The following DZIP3 variants were observed in gnomAD, a reference collection of about 807,000 sequenced individuals.
The protein encoded by DZIP3 is E3 ubiquitin-protein ligase DZIP3.
DZIP3 carries 118 observed loss-of-function variants against 162.0 expected under a neutral mutation model. The observed-to-expected ratio is 0.73, with a 90% CI of 0.63 to 0.85. DZIP3 has a LOEUF of 0.85. DZIP3 is among the 40% of genes least tolerant of loss of function. The probability of loss-of-function intolerance (pLI) is 0.00; values close to 1 mark genes in which losing one functional copy is unlikely to be tolerated. For missense variants in DZIP3, 1,331 were observed against 1,407.0 expected (o/e 0.95, Z 0.86); for synonymous variants, 438 against 458.6 (o/e 0.96, Z 0.57).
chr3:108,690,877 C>T lies in DZIP3; in HGVS notation c.3607C>T (p.Arg1203Trp), dbSNP rs764074749. The stretch of plus-strand genomic sequence containing the variant: ...AGAAGAATTCCCTGGTCACCCCAGC[C>T]GGCAGTTGCCCAAGATCTGATACAA... ...LPEEFPGHPS[R>W]QLPKI The change falls in exon 32 of 33, where the codon CGG becomes TGG. Residue 1203 changes from arginine (R) to tryptophan (W), a missense_variant. By Grantham distance (101) the Arg-to-Trp change is moderately radical (BLOSUM62 -3). Transcript: ENST00000361582. 7.2e-5 allele frequency: 117 copies of T among 1,613,984 alleles called. No homozygotes were observed. Among genetic ancestry groups the T allele is most frequent in the Non-Finnish European group, 9.5e-5 (112 of 1,179,988 alleles).
At chr3:108,661,622 A>G (rs1251033398) in intron 19 of DZIP3, among the ~76,000 whole-genome samples, 3 of 151,960 alleles carry the variant, frequency 2.0e-5, no homozygotes, top group African/African-American at 7.3e-5. Context: ...GTACCCTAAA[A>G]CTTAAAGTAT....
At chr3:108,663,258 TAAG>T (rs1024069171) in intron 21 of DZIP3, among the ~76,000 whole-genome samples, 42 of 152,234 alleles carry the variant, frequency 2.8e-4, no homozygotes, top group Middle Eastern at 3.4e-3. Flanking sequence ...TGCAATCACT[TAAG>T]AAACTTTACT....
At chr3:108,682,203 A>G (rs1206521567) in intron 26 of DZIP3, among the ~76,000 whole-genome samples, 1 of 151,074 alleles carries the variant, frequency 6.6e-6, no homozygotes, top group Non-Finnish European at 1.5e-5. Flanking sequence ...CTATTATGGA[A>G]TACAGTATCG....
chr3:108,637,659 G>GGTAGTATTAAT, intron 12 of DZIP3, 111 bp downstream of exon 12: 2 of 728,280 alleles, frequency 2.7e-6, no homozygotes, highest in South Asian at 2.5e-5. Flanking sequence ...TAAATTTTAA[G>GGTAGTATTAAT]GTATGTGAAA....
At chr3:108,604,771 C>T (rs1054445273) in intron 1 of DZIP3, among the ~76,000 whole-genome samples, 2 of 152,134 alleles carry the variant, frequency 1.3e-5, no homozygotes, top group Non-Finnish European at 2.9e-5. Flanking sequence ...AGCAGGAACT[C>T]ATATATACCT....
chr3:108,665,822 A>G (rs925669047), intron 21 of DZIP3, among the ~76,000 whole-genome samples: 3 of 152,328 alleles, frequency 2.0e-5, no homozygotes, highest in Admixed American at 1.3e-4. Context: ...TACCGAAAGA[A>G]AAGAGCAGAA....
At chr3:108,630,928 T>C (rs1051481659) in intron 8 of DZIP3, among the ~76,000 whole-genome samples, 1 of 151,450 alleles carries the variant, frequency 6.6e-6, no homozygotes, top group African/African-American at 2.4e-5. Context: ...GAAATACTGC[T>C]ATTTAAAACA....
At chr3:108,659,857 G>T (rs1476542744) in intron 19 of DZIP3, among the ~76,000 whole-genome samples, 1 of 151,968 alleles carries the variant, frequency 6.6e-6, no homozygotes, top group Non-Finnish European at 1.5e-5. Flanking sequence ...GACAAACAGA[G>T]AGCCAAATCA....
At chr3:108,596,365 G>A (rs1024398931) in intron 1 of DZIP3, among the ~76,000 whole-genome samples, 1 of 152,130 alleles carries the variant, frequency 6.6e-6, no homozygotes, top group African/African-American at 2.4e-5. Context: ...TTAAAGGAGC[G>A]GTCAGGGTTG....
chr3:108,589,935 G>C (rs1036631574), intron 1 of DZIP3, 96 bp downstream of exon 1: 1 of 152,326 alleles, frequency 6.6e-6, no homozygotes, highest in African/African-American at 2.4e-5. Context: ...CGCCCCTTCT[G>C]CCCGGGGATG....
chr3:108,609,928 A>G (rs1054415182), intron 3 of DZIP3, among the ~76,000 whole-genome samples: 2 of 152,182 alleles, frequency 1.3e-5, no homozygotes, highest in African/African-American at 2.4e-5. Context: ...GTATCCGATG[A>G]TTCTACAAGT....
intron 8 of DZIP3, among the ~76,000 whole-genome samples, chr3:108,630,948 G>A (rs974685699): frequency 7.0e-6 from 1 of 143,466 alleles, no homozygotes; most frequent in Non-Finnish European, 1.5e-5. Flanking sequence ...ATATCTCCAG[G>A]TTTTTCTGTT....
rs1414027048 is a variant in DZIP3 at position 108,694,762 on chromosome 3, A to G, written c.*1409A>G. On this transcript the variant is annotated 3_prime_UTR_variant, in exon 33 of 33. Transcript: ENST00000361582. The stretch of plus-strand genomic sequence containing the variant: ...ATGGTCATATAGCTAGTTATCTTGT[A>G]AAACCAATGTTTCTTAGTTCATACT... 6.6e-6 allele frequency: 1 copy of G among 152,196 alleles called. No homozygotes were observed. Among genetic ancestry groups the G allele is most frequent in the Non-Finnish European group, 1.5e-5 (1 of 68,028 alleles). 9.4% of individuals were successfully genotyped at this position (152,196 alleles called of 1,614,324 possible). A position where few individuals can be genotyped will look rare whatever the true frequency, so the allele number is the denominator to read the frequency against.
In DZIP3 at chr3:108,661,881, C is replaced by T. The variant is rs139764708; in HGVS notation, c.2204C>T (p.Ser735Leu). ...CATATTTCCTGTGCTCAATAGGGCT[C>T]AGCTGGCAAAGTAACTACAGACTAT... ...LHILDMIEQG[S>L]AGKVTTDYGE... Residue 735 changes from serine (S) to leucine (L), a missense_variant, in exon 20 of 33, where the codon TCA (serine) becomes TTA (leucine). Ser to Leu is a moderately radical substitution (Grantham distance 145). This residue lies in a region of DZIP3 where 1,278 missense variants were observed against 1,317.1 expected (regional missense o/e 0.97). Transcript: ENST00000361582. 1.7e-5 allele frequency: 27 copies of T among 1,612,924 alleles called. No individual in the cohort carries two copies. The African/African-American group carries it at 2.0e-4, about 12-fold the overall frequency.
intron 1 of DZIP3, 55 bp downstream of exon 1, chr3:108,589,894 A>C (rs1156857446): frequency 6.6e-6 from 1 of 152,376 alleles, no homozygotes; most frequent in African/African-American, 2.4e-5. Context: ...GCGGCCTGGG[A>C]GGGGCCTCGT....
intron 26 of DZIP3, among the ~76,000 whole-genome samples, chr3:108,682,987 A>T (rs1944375294): frequency 1.3e-5 from 2 of 150,838 alleles, no homozygotes; most frequent in African/African-American, 5.0e-5. Context: ...TTTTTTTAAG[A>T]CTTTACATGT....
intron 15 of DZIP3, among the ~76,000 whole-genome samples, chr3:108,647,326 AT>A (rs138210661): frequency 0.01 from 1,550 of 151,684 alleles, 34 homozygotes; most frequent in African/African-American, 0.03. Context: ...TTTTTGTGCT[AT>A]TTTTTTTAAG....
At position 108,658,692 on chromosome 3, in the gene DZIP3, G is replaced by A. The variant is rs1300636722; in HGVS notation, c.2200-3185G>A. Among the ~76,000 whole-genome samples, 9 of 152,082 alleles carry A rather than the reference G, an allele frequency of 5.9e-5. 1 individual carries two copies. In the South Asian group the frequency reaches 1.9e-3, roughly 32 times the overall value. Reference sequence around the variant, plus strand: ...ACAAAAAACCCTTCAAAAAATCAATGAATCCAGGAGCTGGTTTTTTGAAAA... The same window carrying A: ...ACAAAAAACCCTTCAAAAAATCAATAAATCCAGGAGCTGGTTTTTTGAAAA... On this transcript the variant is annotated intron_variant, in intron 19 of 32. Transcript: ENST00000361582.
intron 7 of DZIP3, among the ~76,000 whole-genome samples, chr3:108,627,676 T>C (rs1480504972): frequency 1.3e-5 from 2 of 152,154 alleles, no homozygotes; most frequent in African/African-American, 2.4e-5. Flanking sequence ...TCCATATCAG[T>C]GTACACTTCC....
Sources: gnomAD v4.1 joint callset for allele counts (sites outside exome capture counted in the v4.1 genomes callset) on GRCh38, gnomAD v4.1.1 for gene constraint, gnomAD v4.1.1 regional missense constraint, MANE v1.5 for transcripts, NCBI Gene and HGNC (gene_info 2026-07-23, HGNC 2026-07-21) for gene names.